Variants in SMARCC1 observed in about 807,000 individuals in gnomAD.
The protein encoded by SMARCC1 is SWI/SNF related BAF chromatin remodeling complex subunit C1.
In SMARCC1, 43 loss-of-function variants were observed where a neutral mutation model predicts 147.4. That is an observed-to-expected ratio of 0.29 (90% CI 0.23 to 0.38). The LOEUF (loss-of-function observed/expected upper bound fraction) is 0.38. SMARCC1 is among the 10% of genes least tolerant of loss of function. SMARCC1 has a pLI of 1.00. For synonymous variants in SMARCC1, 495 were observed against 484.4 expected, an observed-to-expected ratio of 1.02 and a Z score of -0.29; for missense variants, 1,119 against 1,381.1, an observed-to-expected ratio of 0.81 and a Z score of 3.01.
intron 24 of SMARCC1, among the ~76,000 whole-genome samples, chr3:47,628,568 C>T (rs1419926401): frequency 6.6e-6 from 1 of 152,140 alleles, no homozygotes; most frequent in African/African-American, 2.4e-5. Context: ...TGGCTTTTGT[C>T]TAACGGGAAT....
chr3:47,627,871 A>C (rs1489738043), intron 24 of SMARCC1, among the ~76,000 whole-genome samples: 1 of 151,698 alleles, frequency 6.6e-6, no homozygotes, highest in Non-Finnish European at 1.5e-5. Flanking sequence ...TAGGCATTAC[A>C]CCACCACGCC....
At chr3:47,701,519 A>G (rs1274958410) in intron 10 of SMARCC1, 117 bp from the exon 11 acceptor site, 3 of 1,006,814 alleles carry the variant, frequency 3.0e-6, no homozygotes, top group African/African-American at 3.3e-5. Context: ...GATCACTTTA[A>G]AAGACAAACA....
At chr3:47,609,323 C>T (rs1454555381) in intron 26 of SMARCC1, among the ~76,000 whole-genome samples, 8 of 151,984 alleles carry the variant, frequency 5.3e-5, no homozygotes, top group African/African-American at 1.2e-4. Flanking sequence ...GGTGAAACCC[C>T]GTCTCTACTA....
At position 47,653,519 on chromosome 3, in the gene SMARCC1, G is replaced by A. The variant is rs190714408; in HGVS notation, c.2320+7775C>T. Among the ~76,000 whole-genome samples, 47 of 152,132 alleles carry A rather than the reference G, an allele frequency of 3.1e-4. No individual in the cohort carries two copies. In the East Asian group the frequency reaches 8.3e-3, roughly 27 times the overall value. Reference sequence around the variant, plus strand: ...TGCTAAGTAAAATCCTATATCACTCGGTTTCAAATCAGTGTGCTATGCAAT... The same window carrying A: ...TGCTAAGTAAAATCCTATATCACTCAGTTTCAAATCAGTGTGCTATGCAAT... On this transcript the variant is annotated intron_variant, in intron 21 of 27. Transcript: ENST00000254480.
chr3:47,603,010 G>C (rs1004835017), intron 26 of SMARCC1, among the ~76,000 whole-genome samples: 3 of 152,124 alleles, frequency 2.0e-5, no homozygotes, highest in Non-Finnish European at 4.4e-5. Flanking sequence ...TGCCTATGGA[G>C]AGCAGAGCTT....
chr3:47,719,739 ATT>A (rs1458621688), intron 7 of SMARCC1, among the ~76,000 whole-genome samples: 2 of 151,886 alleles, frequency 1.3e-5, no homozygotes, highest in African/African-American at 4.8e-5. Flanking sequence ...TAGAAAAAAA[ATT>A]ATTTATTTTT....
intron 10 of SMARCC1, among the ~76,000 whole-genome samples, chr3:47,703,548 GAAT>G (rs2033952485): frequency 6.6e-6 from 1 of 151,988 alleles, no homozygotes; most frequent in African/African-American, 2.4e-5. Flanking sequence ...TCAGGATGTA[GAAT>G]AATGGCCAAA....
At chr3:47,615,261 G>A (rs969000238) in intron 25 of SMARCC1, among the ~76,000 whole-genome samples, 1 of 152,250 alleles carries the variant, frequency 6.6e-6, no homozygotes, top group Non-Finnish European at 1.5e-5. Context: ...CCAAGGCAGA[G>A]ATCTTTGTTG....
intron 26 of SMARCC1, among the ~76,000 whole-genome samples, chr3:47,608,588 G>A (rs943530776): frequency 1.3e-5 from 2 of 152,054 alleles, no homozygotes; most frequent in Non-Finnish European, 2.9e-5. Context: ...GCTCATGCCT[G>A]TAATCCCAGC....
At chr3:47,665,516 A>G (rs2033409547) in intron 19 of SMARCC1, among the ~76,000 whole-genome samples, 2 of 152,158 alleles carry the variant, frequency 1.3e-5, no homozygotes, top group African/African-American at 2.4e-5. Context: ...AGGGAACAAT[A>G]AGAAAGTTCA....
At chr3:47,685,801 G>T (rs1033429408) in intron 14 of SMARCC1, among the ~76,000 whole-genome samples, 6 of 152,098 alleles carry the variant, frequency 3.9e-5, no homozygotes, top group Non-Finnish European at 8.8e-5. Context: ...AGGTTGCAGT[G>T]AGTCGAGATC....
chr3:47,679,388 G>A (rs1212912550), intron 15 of SMARCC1, among the ~76,000 whole-genome samples: 1 of 152,062 alleles, frequency 6.6e-6, no homozygotes, highest in African/African-American at 2.4e-5. Context: ...TCCAATAAGA[G>A]TTTTTCTATT....
intron 24 of SMARCC1, among the ~76,000 whole-genome samples, chr3:47,630,766 C>A (rs1158111485): frequency 1.3e-5 from 2 of 152,156 alleles, no homozygotes; most frequent in African/African-American, 4.8e-5. Context: ...TTTCACACCT[C>A]CAGAAAGAGT....
Position 47,661,328 on chromosome 3 carries a change from A to C in SMARCC1, c.2286T>G (p.Ile762Met). 6.2e-7 allele frequency: 1 copy of C among 1,613,532 alleles called. No individual in the cohort carries two copies. Among genetic ancestry groups the C allele is most frequent in the South Asian group, 1.1e-5 (1 of 90,954 alleles). ...DPTYGLESSC[I>M]AGTGPDEPEK... Reference sequence around the variant, plus strand: ...CTGGCTCATCGGGCCCTGTGCCTGCAATGCAGCTGCTCTCCAGACCGTAGG... The same window carrying C: ...CTGGCTCATCGGGCCCTGTGCCTGCCATGCAGCTGCTCTCCAGACCGTAGG... Residue 762 changes from isoleucine to methionine, a missense_variant, in exon 21 of 28, where the codon ATT becomes ATG. Physicochemically the swap from Ile to Met is conservative, Grantham distance 10. Transcript: ENST00000254480.
chr3:47,712,554 A>AAAC (rs2034099662), intron 8 of SMARCC1, among the ~76,000 whole-genome samples: 1 of 152,216 alleles, frequency 6.6e-6, no homozygotes, highest in Non-Finnish European at 1.5e-5. Flanking sequence ...TATGCTGAAC[A>AAAC]TCTTACACGT....
chr3:47,747,494 A>T (rs557029202), intron 2 of SMARCC1, among the ~76,000 whole-genome samples: 1 of 23,568 alleles, frequency 4.2e-5, no homozygotes, highest in East Asian at 3.3e-3. Context: ...AAAATTAGCC[A>T]GGCATGGTGG....
chr3:47,683,622 G>A (rs1279444338), intron 14 of SMARCC1, among the ~76,000 whole-genome samples: 1 of 151,842 alleles, frequency 6.6e-6, no homozygotes, highest in Non-Finnish European at 1.5e-5. Context: ...GGAGGCCAAG[G>A]TGGGTGGATC....
intron 7 of SMARCC1, among the ~76,000 whole-genome samples, chr3:47,720,193 G>A (rs1431550012): frequency 4.6e-5 from 7 of 151,984 alleles, no homozygotes; most frequent in African/African-American, 1.5e-4. Flanking sequence ...GCGCAATCTC[G>A]GCTCACTGAA....
intron 3 of SMARCC1, among the ~76,000 whole-genome samples, chr3:47,742,150 T>C (rs1039721774): frequency 3.9e-5 from 6 of 152,080 alleles, no homozygotes; most frequent in Non-Finnish European, 7.4e-5. Context: ...CTAATTTGCA[T>C]TCCTCTTTCG....
Sources: allele counts gnomAD v4.1 joint callset (sites outside exome capture counted in the v4.1 genomes callset), GRCh38; gene constraint gnomAD v4.1.1; transcripts MANE v1.5; gene names NCBI Gene and HGNC (gene_info 2026-07-23, HGNC 2026-07-21).